The following AUTS2 variants were observed in gnomAD, a reference collection of about 807,000 sequenced individuals.
AUTS2 encodes the protein autism susceptibility gene 2 protein.
In AUTS2, 17 loss-of-function variants were observed where a neutral mutation model predicts 112.4. The ratio of observed to expected loss-of-function variants is 0.15; its 90% CI spans 0.10 to 0.23. AUTS2 has a LOEUF of 0.23. Ranked by LOEUF, AUTS2 falls within the 10% of genes least tolerant of loss-of-function variation. AUTS2 has a pLI of 1.00. For missense variants in AUTS2, 1,510 were observed against 1,701.6 expected (o/e 0.89, Z 1.98); for synonymous variants, 751 against 702.7 (o/e 1.07, Z -1.09).
At chr7:70,772,120 G>T (rs1323482520) in intron 11 of AUTS2, among the ~76,000 whole-genome samples, 3 of 151,968 alleles carry the variant, frequency 2.0e-5, no homozygotes, top group Non-Finnish European at 4.4e-5. Flanking sequence ...CATTTCCCTC[G>T]CCAACCCCAT....
chr7:70,229,828 C>T (rs1811952435), intron 4 of AUTS2, among the ~76,000 whole-genome samples: 1 of 152,042 alleles, frequency 6.6e-6, no homozygotes, highest in African/African-American at 2.4e-5. Flanking sequence ...TTTCTTCTGC[C>T]GTTCAAATCT....
chr7:70,712,070 G>T (rs1810084860), intron 6 of AUTS2, among the ~76,000 whole-genome samples: 1 of 151,562 alleles, frequency 6.6e-6, no homozygotes, highest in Non-Finnish European at 1.5e-5. Flanking sequence ...TGTCGCCCAG[G>T]CTGGAGTGCA....
chr7:69,618,206 C>T (rs1478507487), intron 1 of AUTS2, among the ~76,000 whole-genome samples: 1 of 152,168 alleles, frequency 6.6e-6, no homozygotes, highest in Non-Finnish European at 1.5e-5. Flanking sequence ...ATGAGCTTGT[C>T]TCTAGATAAA....
intron 5 of AUTS2, among the ~76,000 whole-genome samples, chr7:70,582,037 C>CTTT (rs35939256): frequency 7.8e-6 from 1 of 128,754 alleles, no homozygotes. Flanking sequence ...ACCCAACCCA[C>CTTT]TTTTTTTTTT....
intron 1 of AUTS2, among the ~76,000 whole-genome samples, chr7:69,780,431 G>T (rs1247873328): frequency 6.6e-6 from 1 of 152,176 alleles, no homozygotes; most frequent in Admixed American, 6.5e-5. Context: ...ACAGAGAAAA[G>T]GCTGTCTTGT....
intron 4 of AUTS2, among the ~76,000 whole-genome samples, chr7:70,374,548 T>C (rs1792997842): frequency 6.6e-6 from 1 of 152,186 alleles, no homozygotes; most frequent in African/African-American, 2.4e-5. Flanking sequence ...TAGTTTGATA[T>C]GTAGTCAAAG....
intron 1 of AUTS2, among the ~76,000 whole-genome samples, chr7:69,817,377 T>C (rs577442399): frequency 6.6e-6 from 1 of 152,306 alleles, no homozygotes; most frequent in African/African-American, 2.4e-5. Context: ...AGGCAGTATT[T>C]AATGTGCAGG....
At chr7:70,630,602 T>C (rs1449626279) in intron 5 of AUTS2, among the ~76,000 whole-genome samples, 1 of 152,244 alleles carries the variant, frequency 6.6e-6, no homozygotes, top group Non-Finnish European at 1.5e-5. Context: ...CAGAAAAATC[T>C]GGCTGGAGAG....
At chr7:70,517,980 G>T (rs1799487348) in intron 5 of AUTS2, among the ~76,000 whole-genome samples, 1 of 152,098 alleles carries the variant, frequency 6.6e-6, no homozygotes. Flanking sequence ...TGTCTTATTT[G>T]GCAAATGAAA....
chr7:70,708,573 G>T (rs542769802), intron 6 of AUTS2, among the ~76,000 whole-genome samples: 2 of 151,442 alleles, frequency 1.3e-5, no homozygotes, highest in African/African-American at 4.8e-5. Flanking sequence ...TGGTATAATA[G>T]CAAACTCACT....
At chr7:70,245,176 TAAAAAATAAAC>T (rs1812856590) in intron 4 of AUTS2, among the ~76,000 whole-genome samples, 3 of 120,630 alleles carry the variant, frequency 2.5e-5, no homozygotes, top group African/African-American at 1.1e-4. Flanking sequence ...ATATAAAAAA[TAAAAAATAAAC>T]AAAAATTAAA....
At position 70,752,478 on chromosome 7, in the gene AUTS2, G is replaced by A. The variant is rs183454994; in HGVS notation, c.743-10392G>A. ...GTGTTATAGATATAAATGCCTTACC[G>A]TTGATAACTCAGAATAAGATATAGG... is the stretch of plus-strand genomic sequence containing the variant. On this transcript the variant is annotated intron_variant, in intron 6 of 18. Transcript: ENST00000342771. 2.5e-4 allele frequency among the ~76,000 whole-genome samples: 38 copies of A among 152,236 alleles called. No individual in the cohort carries two copies. In the East Asian group the frequency reaches 2.5e-3, roughly 10 times the overall value.
chr7:69,660,881 C>T (rs1172944873), intron 1 of AUTS2, among the ~76,000 whole-genome samples: 1 of 152,214 alleles, frequency 6.6e-6, no homozygotes, highest in Admixed American at 6.5e-5. Flanking sequence ...TTGCGGTGAG[C>T]TGAGATCGCG....
intron 4 of AUTS2, among the ~76,000 whole-genome samples, chr7:70,245,808 G>A (rs867440753): frequency 2.0e-5 from 3 of 151,936 alleles, no homozygotes; most frequent in African/African-American, 2.4e-5. Context: ...ACTAGATAAC[G>A]CTAAGTTGAT....
intron 1 of AUTS2, among the ~76,000 whole-genome samples, chr7:69,877,483 G>T (rs1035069743): frequency 2.0e-5 from 3 of 152,064 alleles, no homozygotes; most frequent in African/African-American, 7.2e-5. Flanking sequence ...TTTTATTTTA[G>T]ATTCAAGGGA....
At chr7:70,160,558 A>G (rs564161062) in intron 4 of AUTS2, among the ~76,000 whole-genome samples, 2 of 152,332 alleles carry the variant, frequency 1.3e-5, no homozygotes, top group South Asian at 4.1e-4. Flanking sequence ...GATGCTCAGA[A>G]AAGATGGTCT....
At chr7:69,837,439 GTTCTCTTTA>G (rs1472488858) in intron 1 of AUTS2, among the ~76,000 whole-genome samples, 2 of 152,054 alleles carry the variant, frequency 1.3e-5, no homozygotes, top group African/African-American at 4.8e-5. Context: ...GTTACCTTTT[GTTCTCTTTA>G]TGCTACTCAG....
chr7:70,363,215 T>A (rs1295350040), intron 4 of AUTS2, among the ~76,000 whole-genome samples: 1 of 152,220 alleles, frequency 6.6e-6, no homozygotes, highest in Non-Finnish European at 1.5e-5. Context: ...TCTCTAATGG[T>A]TGGACATTTA....
At chr7:70,415,086 C>T (rs1180592875) in intron 4 of AUTS2, among the ~76,000 whole-genome samples, 1 of 152,314 alleles carries the variant, frequency 6.6e-6, no homozygotes, top group Non-Finnish European at 1.5e-5. Context: ...TCAACTCCTT[C>T]GAGAGAGGTC....
Sources: allele counts gnomAD v4.1 joint callset (sites outside exome capture counted in the v4.1 genomes callset), GRCh38; gene constraint gnomAD v4.1.1; transcripts MANE v1.5; gene names NCBI Gene and HGNC (gene_info 2026-07-23, HGNC 2026-07-21).